Variants in ATP6V0A2 observed in about 807,000 individuals in gnomAD.
ATP6V0A2 encodes the protein V-type proton ATPase 116 kDa subunit a 2.
A neutral mutation model predicts 104.4 loss-of-function variants in ATP6V0A2; 58 were observed. The ratio of observed to expected loss-of-function variants is 0.56; its 90% CI spans 0.45 to 0.69. The LOEUF (loss-of-function observed/expected upper bound fraction) is 0.69. ATP6V0A2 is among the 30% of genes least tolerant of loss of function. The pLI is 0.00. For missense variants in ATP6V0A2, 938 were observed against 1,062.9 expected, an observed-to-expected ratio of 0.88 and a Z score of 1.63; for synonymous variants, 376 against 397.9, an observed-to-expected ratio of 0.95 and a Z score of 0.65.
In ATP6V0A2 at chr12:123,752,390, G is replaced by A. The variant is rs1451527972; in HGVS notation, c.2163G>A (p.Met721Ile). The change falls in exon 17 of 20, where the codon ATG (methionine) becomes ATA (isoleucine). Residue 721 changes from methionine to isoleucine, a missense_variant. Coordinates refer to ENST00000330342, the MANE Select transcript of ATP6V0A2 (RefSeq NM_012463.4). Reference protein sequence around the residue: ...NHQVEDGCREMACEEFNFGEI... With the variant: ...NHQVEDGCREIACEEFNFGEI... ...AGGTGGAAGATGGATGTAGAGAAAT[G>A]GCGTGTGAAGAGGTAAATCTTTTCA... The A allele has an allele frequency of 6.2e-7, 1 of 1,613,972 alleles. No individual in the cohort carries two copies. The highest frequency in any genetic ancestry group is 2.2e-5 in the East Asian group (1 of 44,890).
intron 2 of ATP6V0A2, among the ~76,000 whole-genome samples, chr12:123,719,719 A>T (rs1196183564): frequency 1.3e-5 from 2 of 151,396 alleles, no homozygotes; most frequent in Non-Finnish European, 2.9e-5. Context: ...TAACATTTCT[A>T]AGCCCTTATC....
chr12:123,730,697 A>G (rs535224350), intron 6 of ATP6V0A2: 1 of 152,308 alleles, frequency 6.6e-6, no homozygotes, highest in African/African-American at 2.4e-5. Context: ...TTTCTTTATT[A>G]AGAGAAAATA....
At chr12:123,716,078 T>C (rs914980562) in intron 1 of ATP6V0A2, among the ~76,000 whole-genome samples, 1 of 152,026 alleles carries the variant, frequency 6.6e-6, no homozygotes, top group African/African-American at 2.4e-5. Flanking sequence ...TTTCTTTTTT[T>C]TTTTTGAGAT....
chr12:123,743,730 A>G (rs1956631408), intron 9 of ATP6V0A2, 55 bp from the exon 10 acceptor site: 1 of 1,595,832 alleles, frequency 6.3e-7, no homozygotes, highest in African/African-American at 1.3e-5. Context: ...TTGAATATGG[A>G]TAGTTATTTT....
chr12:123,736,185 CTTTTTTT>C (rs75644082), intron 8 of ATP6V0A2, among the ~76,000 whole-genome samples: 1 of 81,914 alleles, frequency 1.2e-5, no homozygotes, highest in Non-Finnish European at 2.3e-5. Context: ...GATTGTGATT[CTTTTTTT>C]TTTTTTTTTT....
At chr12:123,738,257 CT>C (rs1417957871) in intron 9 of ATP6V0A2, among the ~76,000 whole-genome samples, 2 of 152,148 alleles carry the variant, frequency 1.3e-5, no homozygotes, top group Non-Finnish European at 2.9e-5. Context: ...ACAAAATTAG[CT>C]GGGCGGGGTG....
In ATP6V0A2 at chr12:123,757,994, C is replaced by T. The variant is rs746781216; in HGVS notation, c.2533C>T (p.Leu845Phe). The T allele has an allele frequency of 1.7e-5, 28 of 1,612,600 alleles. No homozygotes were observed. Among genetic ancestry groups the T allele is most frequent in the Non-Finnish European group, 2.4e-5 (28 of 1,179,538 alleles). ...ATTTGTTCCTTTCTCATTCAGTCTACTTTCATCAAAGTTCAATAACGACGA... is the reference window on the plus strand; with the variant it reads ...ATTTGTTCCTTTCTCATTCAGTCTATTTTCATCAAAGTTCAATAACGACGA... ...TKFVPFSFSL[L>F]SSKFNNDDSV... is the part of the protein sequence containing the mutation. The change falls in exon 20 of 20, where the codon CTT becomes TTT. Residue 845 changes from leucine (L) to phenylalanine (F), a missense_variant. By Grantham distance (22) the Leu-to-Phe change is conservative (BLOSUM62 0). Transcript: ENST00000330342.
chr12:123,750,613 A>G (rs1956705469), intron 15 of ATP6V0A2: 3 of 210,662 alleles, frequency 1.4e-5, no homozygotes, highest in Admixed American at 1.1e-4. Flanking sequence ...TTAAGTAACT[A>G]TAAATCTTCG....
intron 15 of ATP6V0A2, chr12:123,750,777 A>T (rs1055025057): frequency 5.6e-6 from 2 of 354,916 alleles, no homozygotes; most frequent in Non-Finnish European, 1.1e-5. Context: ...AATATACAAA[A>T]TATTCTGCTT....
chr12:123,753,541 T>A (rs1327345309), intron 17 of ATP6V0A2, among the ~76,000 whole-genome samples: 1 of 152,204 alleles, frequency 6.6e-6, no homozygotes, highest in African/African-American at 2.4e-5. Context: ...TCACAGTGGG[T>A]CAGGGCCCAC....
At chr12:123,756,446 T>TGTCG (rs1260001778) in intron 18 of ATP6V0A2, 1 of 199,614 alleles carries the variant, frequency 5.0e-6, no homozygotes, top group African/African-American at 2.3e-5. Flanking sequence ...AGCCACTGAG[T>TGTCG]GTCGGTGCTT....
intron 13 of ATP6V0A2, 119 bp downstream of exon 13, chr12:123,745,091 T>C: frequency 9.8e-7 from 1 of 1,015,386 alleles, no homozygotes; most frequent in Non-Finnish European, 1.5e-6. Flanking sequence ...CGGGAGGTGC[T>C]CATTAGCCCC....
At chr12:123,728,463 T>G (rs1956469253) in intron 6 of ATP6V0A2, among the ~76,000 whole-genome samples, 1 of 150,196 alleles carries the variant, frequency 6.7e-6, no homozygotes. Context: ...CTGCCCAGAC[T>G]GGTCTTGAGC....
chr12:123,743,671 A>T (rs1330657140), intron 9 of ATP6V0A2, 114 bp from the exon 10 acceptor site: 2 of 1,258,970 alleles, frequency 1.6e-6, no homozygotes, highest in Non-Finnish European at 2.3e-6. Context: ...AACAAAACAA[A>T]ACAACACCAC....
At chr12:123,726,028 T>G (rs935713249) in intron 4 of ATP6V0A2, among the ~76,000 whole-genome samples, 169 bp from the exon 5 acceptor site, 1 of 152,210 alleles carries the variant, frequency 6.6e-6, no homozygotes, top group Non-Finnish European at 1.5e-5. Context: ...GGGGAAGTTA[T>G]CTTTTCATTT....
At chr12:123,713,056 G>C (rs188232796) in intron 1 of ATP6V0A2, among the ~76,000 whole-genome samples, 1 of 152,158 alleles carries the variant, frequency 6.6e-6, no homozygotes, top group South Asian at 2.1e-4. Context: ...AACCAGAAAA[G>C]GTTTGCCATA....
rs1046942883 is a variant in ATP6V0A2, at chr12:123,712,382, T to G, written c.-184T>G. The stretch of plus-strand genomic sequence containing the variant: ...CCTCGCGGACTGCTGTGGCGGCAGC[T>G]GGAGCGGCGGCCGCGGTGGCAGAAC... On this transcript the variant is annotated 5_prime_UTR_variant, in exon 1 of 20. Transcript: ENST00000330342. 1 of 360,300 alleles carries G rather than the reference T, an allele frequency of 2.8e-6. No homozygotes were observed. The highest frequency in any genetic ancestry group is 4.9e-5 in the Admixed American group (1 of 20,608). The allele number at this position is 360,300 out of a possible 1,614,324, so 22.3% of individuals were successfully genotyped here.
intron 18 of ATP6V0A2, 63 bp downstream of exon 18, chr12:123,754,600 C>T (rs1056695911): frequency 3.5e-5 from 41 of 1,181,254 alleles, no homozygotes; most frequent in Non-Finnish European, 5.1e-5. Context: ...TCAGGGGGCA[C>T]TGTGGGATAT....
intron 9 of ATP6V0A2, among the ~76,000 whole-genome samples, chr12:123,741,408 T>C (rs1282359444): frequency 1.3e-5 from 2 of 152,014 alleles, no homozygotes; most frequent in Admixed American, 1.3e-4. Context: ...AAAAGATTTA[T>C]GGAACATGGT....
Sources: allele counts gnomAD v4.1 joint callset (sites outside exome capture counted in the v4.1 genomes callset), GRCh38; gene constraint gnomAD v4.1.1; transcripts MANE v1.5; gene names NCBI Gene and HGNC (gene_info 2026-07-23, HGNC 2026-07-21).